Variants in INSYN2B observed in about 807,000 individuals in gnomAD.
INSYN2B encodes protein INSYN2B.
Under a neutral mutation model 41.2 loss-of-function variants are expected in INSYN2B, and 16 were observed. That is an observed-to-expected ratio of 0.39 (90% confidence interval 0.26 to 0.59). INSYN2B has a LOEUF of 0.59. Ranked by LOEUF, INSYN2B falls within the 20% of genes least tolerant of loss-of-function variation. The probability of loss-of-function intolerance (pLI) is 0.57; values close to 1 mark genes in which losing one functional copy is unlikely to be tolerated. For synonymous variants in INSYN2B, 245 were observed against 244.4 expected (o/e 1.00, Z -0.02); for missense variants, 608 against 646.4 (o/e 0.94, Z 0.64).
intron 3 of INSYN2B, among the ~76,000 whole-genome samples, chr5:169,867,170 C>A (rs951496930): frequency 6.6e-6 from 1 of 152,192 alleles, no homozygotes; most frequent in Non-Finnish European, 1.5e-5. Flanking sequence ...GGCTTCAGCC[C>A]CTGTGTAGCA....
At chr5:169,913,270 T>G (rs535226795) in intron 1 of INSYN2B, among the ~76,000 whole-genome samples, 3 of 152,360 alleles carry the variant, frequency 2.0e-5, no homozygotes, top group Middle Eastern at 3.4e-3. Context: ...AGAGTAGAGA[T>G]AATCTTTCTC....
At chr5:169,930,980 A>G (rs1404162580) in intron 1 of INSYN2B, among the ~76,000 whole-genome samples, 2 of 152,222 alleles carry the variant, frequency 1.3e-5, no homozygotes, top group Non-Finnish European at 2.9e-5. Context: ...CTGCACAGCC[A>G]TGGCAGGTAC....
chr5:169,931,858 C>T (rs1229347006), intron 1 of INSYN2B, among the ~76,000 whole-genome samples: 1 of 152,224 alleles, frequency 6.6e-6, no homozygotes, highest in Non-Finnish European at 1.5e-5. Flanking sequence ...TGAACTGCTT[C>T]CCTCCTGCCT....
At chr5:169,939,076 T>C (rs1776120751) in intron 1 of INSYN2B, among the ~76,000 whole-genome samples, 1 of 152,062 alleles carries the variant, frequency 6.6e-6, no homozygotes, top group South Asian at 2.1e-4. Context: ...GCTAATTTTT[T>C]TGTATTTTTA....
At chr5:169,915,636 G>C (rs960701491) in intron 1 of INSYN2B, among the ~76,000 whole-genome samples, 3 of 151,672 alleles carry the variant, frequency 2.0e-5, no homozygotes, top group Admixed American at 2.0e-4. Flanking sequence ...GACAGAGACA[G>C]ACAGAGACTG....
intron 1 of INSYN2B, among the ~76,000 whole-genome samples, chr5:169,905,088 T>C (rs1774201406): frequency 6.6e-6 from 1 of 152,168 alleles, no homozygotes; most frequent in South Asian, 2.1e-4. Context: ...TGCAGAGTGC[T>C]CAGTAAATAT....
In INSYN2B at chr5:169,884,616, G is replaced by A. The variant is rs1036753259; in HGVS notation, c.-718C>T. 3 of 152,200 alleles carry A rather than the reference G, an allele frequency of 2.0e-5. No individual in the cohort carries two copies. The highest frequency in any genetic ancestry group is 7.2e-5 in the African/African-American group (3 of 41,436). 9.4% of individuals were successfully genotyped at this position (152,200 alleles called of 1,614,324 possible). ...TTCCTAAATAGCCTCACAAAACCCA[G>A]TGGGGTATGACCAGGACAGGATTGA... On this transcript the variant is annotated 5_prime_UTR_variant, in exon 2 of 4. Coordinates refer to ENST00000377365, the MANE Select transcript of INSYN2B (RefSeq NM_001129891.3).
intron 1 of INSYN2B, among the ~76,000 whole-genome samples, chr5:169,941,307 A>G (rs549302564): frequency 1.2e-4 from 19 of 152,296 alleles, no homozygotes; most frequent in African/African-American, 4.6e-4. Context: ...TCCTGGGTTC[A>G]AGCAATTCTC....
chr5:169,876,761 C>T (rs963200945), intron 3 of INSYN2B, among the ~76,000 whole-genome samples: 5 of 152,220 alleles, frequency 3.3e-5, no homozygotes, highest in Admixed American at 2.6e-4. Flanking sequence ...TTCATTTCCT[C>T]ACCCAGGAGT....
chr5:169,920,476 C>G (rs1344919270), intron 1 of INSYN2B, among the ~76,000 whole-genome samples: 1 of 151,906 alleles, frequency 6.6e-6, no homozygotes, highest in Non-Finnish European at 1.5e-5. Flanking sequence ...CTTTTTGGCT[C>G]AACAGTTTGT....
chr5:169,933,654 G>C (rs1454224303), intron 1 of INSYN2B, among the ~76,000 whole-genome samples: 1 of 152,126 alleles, frequency 6.6e-6, no homozygotes, highest in Admixed American at 6.5e-5. Context: ...AACAGCTGTA[G>C]AAGTCAGGGG....
At chr5:169,925,532 A>G (rs1446407391) in intron 1 of INSYN2B, among the ~76,000 whole-genome samples, 3 of 146,618 alleles carry the variant, frequency 2.0e-5, no homozygotes, top group Non-Finnish European at 3.0e-5. Flanking sequence ...ATGAGCTAAG[A>G]TCAGGCCACT....
intron 1 of INSYN2B, among the ~76,000 whole-genome samples, chr5:169,904,690 A>G (rs1774171125): frequency 6.6e-6 from 1 of 152,184 alleles, no homozygotes; most frequent in African/African-American, 2.4e-5. Context: ...ACAGACAATA[A>G]GTCTGACAGA....
chr5:169,938,552 A>C (rs1776092798), intron 1 of INSYN2B, among the ~76,000 whole-genome samples: 1 of 152,218 alleles, frequency 6.6e-6, no homozygotes, highest in Admixed American at 6.5e-5. Flanking sequence ...TATGGTATGA[A>C]ATAAAAAATG....
chr5:169,967,931 A>G (rs1466565937), intron 1 of INSYN2B, among the ~76,000 whole-genome samples: 1 of 152,226 alleles, frequency 6.6e-6, no homozygotes, highest in Non-Finnish European at 1.5e-5. Flanking sequence ...TGTCCTGGCC[A>G]AAGTGGCTGG....
intron 1 of INSYN2B, among the ~76,000 whole-genome samples, chr5:169,907,659 C>A (rs968619130): frequency 1.3e-5 from 2 of 152,142 alleles, no homozygotes; most frequent in African/African-American, 4.8e-5. Context: ...TCAGAGAGGT[C>A]AAATTCTTGC....
chr5:169,928,276 G>T (rs970926405), intron 1 of INSYN2B, among the ~76,000 whole-genome samples: 1 of 152,188 alleles, frequency 6.6e-6, no homozygotes, highest in Non-Finnish European at 1.5e-5. Context: ...GATGGCCCTC[G>T]GTGGGCCAGC....
At chr5:169,903,375 G>A (rs1016852664) in intron 1 of INSYN2B, among the ~76,000 whole-genome samples, 4 of 151,888 alleles carry the variant, frequency 2.6e-5, no homozygotes, top group African/African-American at 7.3e-5. Flanking sequence ...CCCACCAAGA[G>A]GAAGTCGGGG....
chr5:169,883,957 G>A lies in INSYN2B; in HGVS notation c.-59C>T, dbSNP rs1772824099. On this transcript the variant is annotated 5_prime_UTR_variant, in exon 2 of 4. Coordinates refer to ENST00000377365, the MANE Select transcript of INSYN2B (RefSeq NM_001129891.3). ...TTCTCCTAGGCACATCTCCCCTTAG[G>A]TCTTTGGAGCAGTATCTAATGATAG... 5 of 1,403,152 alleles carry A rather than the reference G, an allele frequency of 3.6e-6. No individual in the cohort carries two copies. In the Admixed American group the frequency reaches 1.4e-4, roughly 40 times the overall value. 86.9% of individuals were successfully genotyped at this position (1,403,152 alleles called of 1,614,324 possible). A position where few individuals can be genotyped will look rare whatever the true frequency, so the allele number is the denominator to read the frequency against.
Sources: allele counts gnomAD v4.1 joint callset (sites outside exome capture counted in the v4.1 genomes callset), GRCh38; gene constraint gnomAD v4.1.1; transcripts MANE v1.5; gene names NCBI Gene and HGNC (gene_info 2026-07-23, HGNC 2026-07-21).